Variants in VWDE observed in about 807,000 individuals in gnomAD.
VWDE encodes von Willebrand factor D and EGF domains.
A neutral mutation model predicts 178.4 loss-of-function variants in VWDE; 207 were observed. That is an observed-to-expected ratio of 1.16 (90% CI 1.04 to 1.30). The LOEUF (loss-of-function observed/expected upper bound fraction) is 1.30, where lower values mean the gene tolerates loss of function less well. Among genes scored for constraint, VWDE ranks in the 50% most tolerant of loss-of-function variants. VWDE has a pLI of 0.00. For synonymous variants in VWDE, 738 were observed against 651.4 expected (o/e 1.13, Z -2.02); for missense variants, 2,287 against 1,901.3 (o/e 1.20, Z -3.77).
intron 19 of VWDE, among the ~76,000 whole-genome samples, chr7:12,349,592 T>C (rs2042250385): frequency 1.3e-5 from 2 of 151,166 alleles, no homozygotes; most frequent in Admixed American, 1.3e-4. Context: ...AACACAATAA[T>C]TTAAGTACCT....
At chr7:12,388,389 ATT>A (rs60615073) in intron 3 of VWDE, among the ~76,000 whole-genome samples, 2 of 150,604 alleles carry the variant, frequency 1.3e-5, no homozygotes, top group African/African-American at 4.9e-5. Flanking sequence ...AAATTAGTAG[ATT>A]TTTTTTTTCC....
chr7:12,340,960 C>T (rs115116857), intron 23 of VWDE, among the ~76,000 whole-genome samples: 191 of 152,186 alleles, frequency 1.3e-3, no homozygotes, highest in African/African-American at 4.4e-3. Flanking sequence ...CTTTGAAAGA[C>T]ATCCCCAATT....
Position 12,370,812 on chromosome 7 carries a change from A to C in VWDE, c.1640T>G (p.Met547Arg), listed in dbSNP as rs1475056953. 21 of 1,551,012 alleles carry C rather than the reference A, an allele frequency of 1.4e-5. No individual in the cohort carries two copies. The highest frequency in any genetic ancestry group is 1.8e-5 in the Non-Finnish European group (21 of 1,146,648). ...FIRADLGEWGMSLTIRAPSVD... is the reference protein window; with the variant it reads ...FIRADLGEWGRSLTIRAPSVD... The stretch of plus-strand genomic sequence containing the variant: ...ACTAGGGGCTCTGATCGTTAGACTC[A>C]TGCCCCATTCACCAAGATCAGCACG... The change falls in exon 11 of 29, where the codon ATG (methionine) becomes AGG (arginine). Residue 547 changes from methionine to arginine, a missense_variant. Physicochemically the swap from Met to Arg is moderately conservative, Grantham distance 91. Coordinates refer to ENST00000275358, the MANE Select transcript of VWDE (RefSeq NM_001135924.3).
At chr7:12,376,097 T>A (rs1170448300) in intron 7 of VWDE, among the ~76,000 whole-genome samples, 4 of 152,106 alleles carry the variant, frequency 2.6e-5, no homozygotes, top group Admixed American at 1.3e-4. Flanking sequence ...CATACTGAAC[T>A]ATTTTTTTAG....
In VWDE at chr7:12,369,930, G is replaced by C. The variant is rs1783080803; in HGVS notation, c.2376C>G (p.Phe792Leu). ...GGCCAGAGGGAGTGGGCCAAGAGGG[G>C]AAAAACTCTTGCTGTACATCCTCAG... ...DHAEDVQQEF[F>L]PSWPTPSGLT... Residue 792 changes from phenylalanine to leucine, a missense_variant, in exon 12 of 29, where the codon TTC (phenylalanine) becomes TTG (leucine). Transcript: ENST00000275358. 1.3e-6 allele frequency: 2 copies of C among 1,551,382 alleles called. No individual in the cohort carries two copies. The highest frequency in any genetic ancestry group is 1.7e-4 in the Middle Eastern group (1 of 5,988).
Position 12,361,395 on chromosome 7 carries a change from C to T in VWDE, c.3025G>A (p.Gly1009Arg), listed in dbSNP as rs80272295. The change falls in exon 14 of 29, where the codon GGG (glycine) becomes AGG (arginine). Residue 1009 changes from glycine (G) to arginine (R), a missense_variant. Physicochemically the swap from Gly to Arg is moderately radical, Grantham distance 125 (BLOSUM62 -2). Coordinates refer to ENST00000275358, the MANE Select transcript of VWDE (RefSeq NM_001135924.3). The part of the protein sequence containing the change: ...QQFDTMDLVG[G>R]KPTGKWQLKV... ...AACTGCCACTTCCCAGTTGGTTTCC[C>T]ACCCACCAGATCCATGGTATCAAAC... 176,976 of 1,549,984 alleles carry T rather than the reference C, an allele frequency of 0.11. 10,878 individuals are homozygous for T. Among genetic ancestry groups the T allele is most frequent in the East Asian group, 0.21 (8,592 of 40,834 alleles).
chr7:12,354,592 C>T (rs567326970), intron 18 of VWDE: 2 of 229,848 alleles, frequency 8.7e-6, no homozygotes, highest in African/African-American at 2.3e-5. Flanking sequence ...GTCCTTCTAA[C>T]CCCAAAAGAG....
chr7:12,374,776 A>G lies in VWDE; in HGVS notation c.1243-14T>C. 6.7e-7 allele frequency: 1 copy of G among 1,500,224 alleles called. No homozygotes were observed. Among genetic ancestry groups the G allele is most frequent in the Non-Finnish European group, 9.0e-7 (1 of 1,115,442 alleles). The allele number at this position is 1,500,224 out of a possible 1,614,324, so 92.9% of individuals were successfully genotyped here. The stretch of plus-strand genomic sequence containing the variant: ...CTTTACTTTGATCTTAAAAGCAAAG[A>G]TATTTTTGGTAAATATTACCATTAA... On this transcript the variant is annotated splice_polypyrimidine_tract_variant and intron_variant, in intron 8 of 28. Coordinates refer to ENST00000275358, the MANE Select transcript of VWDE (RefSeq NM_001135924.3).
chr7:12,378,165 A>C (rs985781890), intron 6 of VWDE, among the ~76,000 whole-genome samples: 39 of 152,280 alleles, frequency 2.6e-4, no homozygotes, highest in African/African-American at 9.1e-4. Flanking sequence ...CACATTTGGC[A>C]AATCATATCC....
intron 19 of VWDE, among the ~76,000 whole-genome samples, chr7:12,349,687 A>C (rs78084830): frequency 0.028 from 4,288 of 152,060 alleles, 206 homozygotes; most frequent in African/African-American, 0.098. Context: ...GCAAAAGGAT[A>C]TCAATTAGCA....
chr7:12,353,251 G>A (rs1338332826), intron 18 of VWDE, among the ~76,000 whole-genome samples: 4 of 152,086 alleles, frequency 2.6e-5, no homozygotes, highest in Non-Finnish European at 2.9e-5. Context: ...GCTTGAAGAC[G>A]GCCACTTTCT....
intron 13 of VWDE, 31 bp from the exon 14 acceptor site, chr7:12,361,552 C>G (rs1359370472): frequency 1.4e-6 from 2 of 1,480,574 alleles, no homozygotes; most frequent in African/African-American, 2.9e-5. Flanking sequence ...AAATTAACCT[C>G]TGTTAAATTA....
At position 12,353,296 on chromosome 7, in the gene VWDE, T is replaced by C. The variant is rs1448001667; in HGVS notation, c.3746-1583A>G. Among the ~76,000 whole-genome samples the C allele has an allele frequency of 3.9e-5, 6 of 152,200 alleles. No homozygotes were observed. In the South Asian group the frequency reaches 1.2e-3, roughly 31 times the overall value. ...TATACATCACAAGCTCTCTGGTGTC[T>C]CTTCATATAAGGATACTAATTCTGT... On this transcript the variant is annotated intron_variant, in intron 18 of 28. Transcript: ENST00000275358.
intron 12 of VWDE, among the ~76,000 whole-genome samples, chr7:12,369,212 CCT>C (rs1480712598): frequency 6.6e-6 from 1 of 151,904 alleles, no homozygotes; most frequent in East Asian, 1.9e-4. Context: ...GTGTAAAGGC[CCT>C]GAGGTTAAAT....
intron 1 of VWDE, among the ~76,000 whole-genome samples, chr7:12,401,528 T>C (rs924577533): frequency 6.6e-6 from 1 of 152,180 alleles, no homozygotes; most frequent in Non-Finnish European, 1.5e-5. Flanking sequence ...AAATTTCTCA[T>C]AAGGGCATTA....
At chr7:12,374,662 T>C (rs778286104) in intron 9 of VWDE, 27 bp downstream of exon 9, 1 of 1,462,912 alleles carries the variant, frequency 6.8e-7, no homozygotes, top group South Asian at 1.3e-5. Context: ...ACAAAACTAC[T>C]AAAAGAAGAA....
chr7:12,357,547 C>A, intron 16 of VWDE, 32 bp from the exon 17 acceptor site: 1 of 1,545,700 alleles, frequency 6.5e-7, no homozygotes, highest in South Asian at 1.2e-5. Context: ...ACTTTATACC[C>A]GTGTAGAAAA....
At chr7:12,376,459 G>A (rs1472461941) in intron 7 of VWDE, among the ~76,000 whole-genome samples, 1 of 152,032 alleles carries the variant, frequency 6.6e-6, no homozygotes, top group African/African-American at 2.4e-5. Flanking sequence ...CTTCTAAAAT[G>A]TAGAAATATA....
intron 19 of VWDE, among the ~76,000 whole-genome samples, chr7:12,347,349 A>G (rs1781659639): frequency 1.3e-5 from 2 of 152,204 alleles, no homozygotes; most frequent in South Asian, 2.1e-4. Flanking sequence ...AGCATATGTT[A>G]GCAAATGTAT....
Sources: allele counts gnomAD v4.1 joint callset (sites outside exome capture counted in the v4.1 genomes callset), GRCh38; gene constraint gnomAD v4.1.1; transcripts MANE v1.5; gene names NCBI Gene and HGNC (gene_info 2026-07-23, HGNC 2026-07-21).